The following UGT1A10 variants were observed in gnomAD, a reference collection of about 807,000 sequenced individuals.
UGT1A10 encodes UDP glucuronosyltransferase family 1 member A10.
In UGT1A10, 49 loss-of-function variants were observed where a neutral mutation model predicts 45.8. The observed-to-expected ratio is 1.07, with a 90% confidence interval of 0.85 to 1.36. The LOEUF is 1.36. UGT1A10 is among the 40% of genes most tolerant of loss of function. The pLI is 0.00. For missense variants in UGT1A10, 745 were observed against 668.6 expected, an observed-to-expected ratio of 1.11 and a Z score of -1.26; for synonymous variants, 284 against 249.7, an observed-to-expected ratio of 1.14 and a Z score of -1.29.
At chr2:233,704,157 C>G (rs772376683) in intron 1 of UGT1A10, among the ~76,000 whole-genome samples, 50 of 151,974 alleles carry the variant, frequency 3.3e-4, no homozygotes, top group Non-Finnish European at 5.0e-4. Flanking sequence ...TTTCAAAGTA[C>G]TGGGATTACA....
intron 1 of UGT1A10, among the ~76,000 whole-genome samples, chr2:233,681,721 A>G (rs1192402169): frequency 6.6e-6 from 1 of 152,178 alleles, no homozygotes; most frequent in Non-Finnish European, 1.5e-5. Flanking sequence ...AAAGATGATG[A>G]GTTACTCTTT....
intron 1 of UGT1A10, chr2:233,755,375 G>A (rs1695890157): frequency 5.6e-6 from 2 of 355,636 alleles, no homozygotes; most frequent in South Asian, 4.5e-5. Context: ...CTGGAGGGCC[G>A]CCCCTTATGA....
At chr2:233,719,697 G>A in intron 1 of UGT1A10, 1 of 1,613,928 alleles carries the variant, frequency 6.2e-7, no homozygotes. Context: ...GGTCTGTATT[G>A]GTGCCTTCAT....
intron 1 of UGT1A10, among the ~76,000 whole-genome samples, chr2:233,763,758 G>C (rs1698394922): frequency 6.6e-6 from 1 of 152,148 alleles, no homozygotes; most frequent in South Asian, 2.1e-4. Flanking sequence ...TGTGTCTGAA[G>C]GAAAAGAGAT....
rs28899172 is a variant in UGT1A10 at position 233,701,035 on chromosome 2, C to A, written c.855+63658C>A. On this transcript the variant is annotated intron_variant, in intron 1 of 4. Coordinates refer to ENST00000344644, the MANE Select transcript of UGT1A10 (RefSeq NM_019075.4). ...GTTTCCAGTTTCATCCATGTCCCTACAAAGGACATGAACTCATAATTTTTT... is the reference window on the plus strand; with the variant it reads ...GTTTCCAGTTTCATCCATGTCCCTAAAAAGGACATGAACTCATAATTTTTT... Among the ~76,000 whole-genome samples, 652 of 152,278 alleles carry A rather than the reference C, an allele frequency of 4.3e-3. 9 individuals carry two copies. Among genetic ancestry groups the A allele is most frequent in the African/African-American group, 0.015 (618 of 41,550 alleles).
chr2:233,741,159 G>T (rs1330355973), intron 1 of UGT1A10, among the ~76,000 whole-genome samples: 1 of 151,856 alleles, frequency 6.6e-6, no homozygotes, highest in Non-Finnish European at 1.5e-5. Flanking sequence ...CACTAATCCA[G>T]GATATATCAA....
intron 1 of UGT1A10, among the ~76,000 whole-genome samples, chr2:233,663,414 T>C (rs1382682634): frequency 6.6e-6 from 1 of 152,082 alleles, no homozygotes; most frequent in Non-Finnish European, 1.5e-5. Context: ...GTTGAAGCTG[T>C]CTTCTTGCAC....
intron 1 of UGT1A10, among the ~76,000 whole-genome samples, chr2:233,663,004 C>G (rs1384269786): frequency 6.6e-6 from 1 of 152,162 alleles, no homozygotes; most frequent in Admixed American, 6.5e-5. Context: ...ACCTTGTCAT[C>G]TTCACCACTT....
intron 1 of UGT1A10, among the ~76,000 whole-genome samples, chr2:233,706,587 G>A (rs916401740): frequency 6.6e-6 from 1 of 152,106 alleles, no homozygotes; most frequent in Non-Finnish European, 1.5e-5. Flanking sequence ...GAGATGGGAG[G>A]TGGACCTAAG....
intron 1 of UGT1A10, among the ~76,000 whole-genome samples, chr2:233,701,487 A>G (rs1350791546): frequency 2.0e-5 from 3 of 152,174 alleles, no homozygotes; most frequent in African/African-American, 7.2e-5. Context: ...CTCTGCACCA[A>G]GCGGACCTAA....
intron 1 of UGT1A10, among the ~76,000 whole-genome samples, chr2:233,661,666 T>G (rs2073971080): frequency 6.7e-6 from 1 of 148,714 alleles, no homozygotes; most frequent in Non-Finnish European, 1.5e-5. Flanking sequence ...TTTCTTTCTT[T>G]CTTTCTTTCT....
intron 1 of UGT1A10, chr2:233,721,797 A>C (rs7597496): frequency 3.9e-6 from 2 of 511,786 alleles, no homozygotes; most frequent in African/African-American, 3.9e-5. Context: ...TTTAAAGCAC[A>C]TGCAGCAAAA....
intron 1 of UGT1A10, among the ~76,000 whole-genome samples, chr2:233,689,467 GA>G (rs1414189798): frequency 6.6e-6 from 1 of 152,202 alleles, no homozygotes. Context: ...TAGGAAAACA[GA>G]AGTTACAAGA....
intron 1 of UGT1A10, among the ~76,000 whole-genome samples, chr2:233,707,484 T>TA (rs1234449906): frequency 6.6e-6 from 1 of 152,176 alleles, no homozygotes; most frequent in Admixed American, 6.5e-5. Context: ...CAGATGATTT[T>TA]ACCTGTTTCG....
At chr2:233,644,373 G>A (rs936797499) in intron 1 of UGT1A10, among the ~76,000 whole-genome samples, 2 of 152,108 alleles carry the variant, frequency 1.3e-5, no homozygotes, top group Admixed American at 1.3e-4. Flanking sequence ...TTTGAGACCA[G>A]CCTGGCCAAC....
At chr2:233,726,314 C>T (rs1182823767) in intron 1 of UGT1A10, among the ~76,000 whole-genome samples, 1 of 152,162 alleles carries the variant, frequency 6.6e-6, no homozygotes, top group Non-Finnish European at 1.5e-5. Context: ...GATCATTGAG[C>T]TCAGGAGTTT....
At position 233,772,444 on chromosome 2, in the gene UGT1A10, T is replaced by C; in HGVS notation, c.1478T>C (p.Leu493Ser). 6.2e-7 allele frequency: 1 copy of C among 1,614,228 alleles called. No homozygotes were observed. Among genetic ancestry groups the C allele is most frequent in the South Asian group, 1.1e-5 (1 of 91,086 alleles). The change falls in exon 5 of 5, where the codon TTG (leucine) becomes TCG (serine). Residue 493 changes from leucine to serine, a missense_variant. Coordinates refer to ENST00000344644, the MANE Select transcript of UGT1A10 (RefSeq NM_019075.4). ...TCCTTGGACGTGATTGGTTTCCTCT[T>C]GGCCGTCGTGCTGACAGTGGCCTTC... ...YHSLDVIGFL[L>S]AVVLTVAFIT...
intron 1 of UGT1A10, chr2:233,708,584 A>G (rs922814919): frequency 1.3e-5 from 2 of 152,072 alleles, no homozygotes; most frequent in Non-Finnish European, 2.9e-5. Flanking sequence ...AGATTCCTTC[A>G]CTACAGAAAG....
At chr2:233,737,202 T>A (rs1346629064) in intron 1 of UGT1A10, among the ~76,000 whole-genome samples, 3 of 152,198 alleles carry the variant, frequency 2.0e-5, no homozygotes, top group Non-Finnish European at 4.4e-5. Flanking sequence ...TGAGCTGCGG[T>A]GGACTCTGTT....
Sources: gnomAD v4.1 joint callset for allele counts (sites outside exome capture counted in the v4.1 genomes callset) on GRCh38, gnomAD v4.1.1 for gene constraint, MANE v1.5 for transcripts, NCBI Gene and HGNC (gene_info 2026-07-23, HGNC 2026-07-21) for gene names.